The following CDIN1 variants were observed in gnomAD, a reference collection of about 807,000 sequenced individuals.
CDIN1 encodes CDAN1 interacting nuclease 1.
In CDIN1, 33 loss-of-function variants were observed where a neutral mutation model predicts 45.3. The observed-to-expected ratio is 0.73, with a 90% CI of 0.55 to 0.97. The LOEUF is 0.97. Among genes scored for constraint, CDIN1 ranks in the 50% least tolerant of loss-of-function variants. The pLI is 0.00. For synonymous variants in CDIN1, 118 were observed against 124.4 expected, an observed-to-expected ratio of 0.95 and a Z score of 0.34; for missense variants, 303 against 339.4, an observed-to-expected ratio of 0.89 and a Z score of 0.84.
intron 10 of CDIN1, among the ~76,000 whole-genome samples, chr15:36,731,389 G>A (rs2043828295): frequency 6.6e-6 from 1 of 151,902 alleles, no homozygotes. Flanking sequence ...TTACTTTACT[G>A]TCATTCACTT....
chr15:36,582,732 AT>A (rs1301542453), intron 1 of CDIN1, among the ~76,000 whole-genome samples: 1 of 152,220 alleles, frequency 6.6e-6, no homozygotes, highest in Non-Finnish European at 1.5e-5. Context: ...GTTTTCAAGG[AT>A]TTTGATGTAT....
At chr15:36,682,767 C>CAAAAAAAAAAAA (rs10706117) in intron 5 of CDIN1, among the ~76,000 whole-genome samples, 24 of 61,186 alleles carry the variant, frequency 3.9e-4, no homozygotes, top group African/African-American at 5.7e-4. Flanking sequence ...AAGACCCTGC[C>CAAAAAAAAAAAA]AAAAAAAAAA....
At chr15:36,726,556 G>A (rs950314697) in intron 10 of CDIN1, among the ~76,000 whole-genome samples, 8 of 152,160 alleles carry the variant, frequency 5.3e-5, no homozygotes, top group African/African-American at 1.9e-4. Context: ...TCTCATTGTA[G>A]AACATTTATC....
intron 1 of CDIN1, among the ~76,000 whole-genome samples, chr15:36,623,253 G>C (rs1399846171): frequency 6.6e-6 from 1 of 150,932 alleles, no homozygotes; most frequent in Non-Finnish European, 1.5e-5. Flanking sequence ...ATTAAAACCA[G>C]AAAAAAAAGG....
chr15:36,780,166 G>A (rs1011289166), intron 10 of CDIN1, among the ~76,000 whole-genome samples: 1 of 152,136 alleles, frequency 6.6e-6, no homozygotes, highest in Non-Finnish European at 1.5e-5. Flanking sequence ...AGATATTAAA[G>A]TAGATTTCAG....
intron 7 of CDIN1, among the ~76,000 whole-genome samples, chr15:36,694,506 T>G (rs755721523): frequency 1.4e-3 from 212 of 152,318 alleles, no homozygotes; most frequent in Non-Finnish European, 2.3e-3. Flanking sequence ...AGTAAGTTGG[T>G]CATTTACTAG....
chr15:36,740,272 C>A (rs80212316), intron 10 of CDIN1, among the ~76,000 whole-genome samples: 5,545 of 152,160 alleles, frequency 0.036, 354 homozygotes, highest in African/African-American at 0.13. Flanking sequence ...ACGATAATCA[C>A]ATCAGTGGTG....
intron 6 of CDIN1, 94 bp from the exon 7 acceptor site, chr15:36,692,032 G>GT: frequency 1.9e-6 from 2 of 1,072,286 alleles, no homozygotes; most frequent in South Asian, 1.7e-5. Flanking sequence ...GCGGGGGTGG[G>GT]GGAAGAAAAG....
chr15:36,740,324 T>C (rs979434794), intron 10 of CDIN1, among the ~76,000 whole-genome samples: 25 of 152,100 alleles, frequency 1.6e-4, no homozygotes, highest in Admixed American at 7.2e-4. Flanking sequence ...GAGTACCACT[T>C]TTAAGCTACG....
chr15:36,621,531 T>G (rs1022292076), intron 1 of CDIN1, among the ~76,000 whole-genome samples: 1 of 152,132 alleles, frequency 6.6e-6, no homozygotes, highest in African/African-American at 2.4e-5. Context: ...AGGTGAAACA[T>G]ACAATGAAAC....
At chr15:36,625,700 C>A (rs1026129862) in intron 1 of CDIN1, among the ~76,000 whole-genome samples, 1 of 152,160 alleles carries the variant, frequency 6.6e-6, no homozygotes, top group Middle Eastern at 3.4e-3. Context: ...AGAGCCTGGC[C>A]CAGTCCTGGA....
intron 1 of CDIN1, among the ~76,000 whole-genome samples, chr15:36,606,176 A>G (rs1469652527): frequency 6.6e-6 from 1 of 152,058 alleles, no homozygotes; most frequent in Non-Finnish European, 1.5e-5. Flanking sequence ...TGTTACATAT[A>G]TTTTATATAT....
intron 10 of CDIN1, 40 bp downstream of exon 10, chr15:36,710,001 C>T: frequency 5.7e-6 from 8 of 1,406,382 alleles, no homozygotes; most frequent in Non-Finnish European, 7.8e-6. Context: ...AAACGATACT[C>T]AGCTGAAATC....
At chr15:36,746,669 C>CCACACACACACACA (rs34320677) in intron 10 of CDIN1, among the ~76,000 whole-genome samples, 22,889 of 141,244 alleles carry the variant, frequency 0.16, 1,939 homozygotes, top group Admixed American at 0.24. Context: ...ATATATGGTT[C>CCACACACACACACA]CACACACACA....
chr15:36,688,390 C>A (rs2042133181), intron 5 of CDIN1, among the ~76,000 whole-genome samples: 1 of 152,134 alleles, frequency 6.6e-6, no homozygotes, highest in Non-Finnish European at 1.5e-5. Context: ...TACTTCACAA[C>A]AAAAAGTTCA....
At chr15:36,797,182 T>C (rs896285561) in intron 10 of CDIN1, among the ~76,000 whole-genome samples, 1 of 152,234 alleles carries the variant, frequency 6.6e-6, no homozygotes, top group Non-Finnish European at 1.5e-5. Context: ...CCATGTGTCA[T>C]ATACAAATAC....
chr15:36,709,127 G>A (rs1595502245), intron 8 of CDIN1, 96 bp from the exon 9 acceptor site: 1 of 1,026,240 alleles, frequency 9.7e-7, no homozygotes, highest in East Asian at 2.8e-5. Flanking sequence ...GACTACAGTA[G>A]TAATTTTTAT....
intron 5 of CDIN1, among the ~76,000 whole-genome samples, chr15:36,680,675 C>T (rs1029297583): frequency 6.6e-6 from 1 of 152,092 alleles, no homozygotes; most frequent in Non-Finnish European, 1.5e-5. Context: ...CGGAATTGAG[C>T]TTCCATGTAT....
chr15:36,685,081 C>T (rs939459021), intron 5 of CDIN1, among the ~76,000 whole-genome samples: 19 of 151,664 alleles, frequency 1.3e-4, no homozygotes, highest in African/African-American at 4.1e-4. Context: ...CTATTTCCTT[C>T]AGTTCTGCTC....
Sources: allele counts gnomAD v4.1 joint callset (sites outside exome capture counted in the v4.1 genomes callset), GRCh38; gene constraint gnomAD v4.1.1; transcripts MANE v1.5; gene names NCBI Gene and HGNC (gene_info 2026-07-23, HGNC 2026-07-21).